The following CTR9 variants were observed in gnomAD, a reference collection of about 807,000 sequenced individuals.
CTR9 encodes CTR9 component of Paf1/RNA polymerase II complex.
CTR9 carries 41 observed loss-of-function variants against 152.1 expected under a neutral mutation model. The ratio of observed to expected loss-of-function variants is 0.27; its 90% CI spans 0.21 to 0.35. The LOEUF (loss-of-function observed/expected upper bound fraction) is 0.35, where lower values mean the gene tolerates loss of function less well. Ranked by LOEUF, CTR9 falls within the 10% of genes least tolerant of loss-of-function variation. The pLI, the probability that CTR9 is intolerant of heterozygous loss-of-function variation, is 1.00. For synonymous variants in CTR9, 476 were observed against 496.2 expected, an observed-to-expected ratio of 0.96 and a Z score of 0.54; for missense variants, 917 against 1,424.4, an observed-to-expected ratio of 0.64 and a Z score of 5.73.
chr11:10,752,068 C>T lies in CTR9; in HGVS notation c.46-604C>T, dbSNP rs182694278. Reference sequence around the variant, plus strand: ...GAGTAAAGCTCTCAGCTTTGATGTTCAGTCTTCTTGTATATCTTTTATTTT... The same window carrying T: ...GAGTAAAGCTCTCAGCTTTGATGTTTAGTCTTCTTGTATATCTTTTATTTT... On this transcript the variant is annotated intron_variant, in intron 1 of 24. Transcript: ENST00000361367. Among the ~76,000 whole-genome samples, 14 of 152,226 alleles carry T rather than the reference C, an allele frequency of 9.2e-5. 1 individual carries two copies. The highest frequency in any genetic ancestry group is 2.9e-5 in the Non-Finnish European group (2 of 68,018).
In CTR9 at chr11:10,773,123, A is replaced by T; in HGVS notation, c.2581-4A>T. The T allele has an allele frequency of 6.3e-7, 1 of 1,589,834 alleles. No homozygotes were observed. The highest frequency in any genetic ancestry group is 1.2e-5 in the South Asian group (1 of 85,808). ...GGTTTCTTTTCTACCATTTTTCCTC[A>T]TAGGAAGAGAAACGTCTCAGAGAAA... On this transcript the variant is annotated splice_polypyrimidine_tract_variant and splice_region_variant and intron_variant, in intron 20 of 24. Coordinates refer to ENST00000361367, the MANE Select transcript of CTR9 (RefSeq NM_014633.5).
At chr11:10,758,571 G>A (rs1375672658) in intron 5 of CTR9, among the ~76,000 whole-genome samples, 1 of 152,222 alleles carries the variant, frequency 6.6e-6, no homozygotes, top group Non-Finnish European at 1.5e-5. Context: ...TTTTAGACCT[G>A]AAAAGTTTGA....
rs187714236 is a variant in CTR9, at chr11:10,751,259, C to G, written c.-154C>G. On this transcript the variant is annotated 5_prime_UTR_variant, in exon 1 of 25. Coordinates refer to ENST00000361367, the MANE Select transcript of CTR9 (RefSeq NM_014633.5). ...CGTCCGCTGCTCGTTGTTTAAGCGG[C>G]TGACGGGAAGGAGAAGCCAGAGCTC... 518 of 736,798 alleles carry G rather than the reference C, an allele frequency of 7.0e-4. 2 individuals carry two copies. The African/African-American group carries it at 8.0e-3, about 11-fold the overall frequency. The allele number at this position is 736,798 out of a possible 1,614,324, so 45.6% of individuals were successfully genotyped here. A position where few individuals can be genotyped will look rare whatever the true frequency, so the allele number is the denominator to read the frequency against.
chr11:10,755,101 G>A lies in CTR9; in HGVS notation c.288G>A (p.Gln96=), dbSNP rs778137154. Residue 96 remains glutamine, a synonymous_variant, in exon 3 of 25, where the codon CAG becomes CAA. Transcript: ENST00000361367. ...LDTLAAYYVQ[Q]ARKEKNKDNK... The stretch of plus-strand genomic sequence containing the variant: ...CATTGGCAGCGTATTATGTACAACA[G>A]GCTCGGAAAGAAAAGAATAAGGACA... 6.2e-7 allele frequency: 1 copy of A among 1,614,058 alleles called. No homozygotes were observed. The highest frequency in any genetic ancestry group is 8.5e-7 in the Non-Finnish European group (1 of 1,179,976).
rs1863300783 is a variant in CTR9, at chr11:10,779,675, A to G, written c.*570A>G. 1 of 152,326 alleles carries G rather than the reference A, an allele frequency of 6.6e-6. No homozygotes were observed. The highest frequency in any genetic ancestry group is 2.4e-5 in the African/African-American group (1 of 41,476). 9.4% of individuals were successfully genotyped at this position (152,326 alleles called of 1,614,324 possible). A position where few individuals can be genotyped will look rare whatever the true frequency, so the allele number is the denominator to read the frequency against. On this transcript the variant is annotated 3_prime_UTR_variant, in exon 25 of 25. Coordinates refer to ENST00000361367, the MANE Select transcript of CTR9 (RefSeq NM_014633.5). The stretch of plus-strand genomic sequence containing the variant: ...TGTGTTAGGTTGAATAAGGTGTGGA[A>G]AATGCTTTTCTGTTAGTAGAATGCA...
At chr11:10,754,487 A>T (rs1590016991) in intron 2 of CTR9, among the ~76,000 whole-genome samples, 1 of 152,222 alleles carries the variant, frequency 6.6e-6, no homozygotes, top group African/African-American at 2.4e-5. Flanking sequence ...TATCATCTGT[A>T]TATACCTGTG....
intron 2 of CTR9, among the ~76,000 whole-genome samples, chr11:10,754,156 C>G (rs968929371): frequency 2.6e-5 from 4 of 152,150 alleles, no homozygotes; most frequent in Non-Finnish European, 2.9e-5. Context: ...CAGGTACATA[C>G]CACCACACCT....
chr11:10,763,701 C>G lies in CTR9; in HGVS notation c.1016C>G (p.Ser339Cys), dbSNP rs1420788721. 1 of 1,614,072 alleles carries G rather than the reference C, an allele frequency of 6.2e-7. No individual in the cohort carries two copies. Among genetic ancestry groups the G allele is most frequent in the African/African-American group, 1.3e-5 (1 of 75,042 alleles). The change falls in exon 9 of 25, where the codon TCT becomes TGT. Residue 339 changes from serine (S) to cysteine (C), a missense_variant. Coordinates refer to ENST00000361367, the MANE Select transcript of CTR9 (RefSeq NM_014633.5). ...YYQATQFASSSFVLPFFGLGQ... is the reference protein window; with the variant it reads ...YYQATQFASSCFVLPFFGLGQ... Reference sequence around the variant, plus strand: ...CAAGCCACACAGTTTGCCTCATCCTCTTTTGTGCTCCCATTTTTTGGTTTG... The same window carrying G: ...CAAGCCACACAGTTTGCCTCATCCTGTTTTGTGCTCCCATTTTTTGGTTTG...
chr11:10,758,140 G>A (rs1461543869), intron 5 of CTR9, among the ~76,000 whole-genome samples: 6 of 152,202 alleles, frequency 3.9e-5, no homozygotes, highest in East Asian at 1.9e-4. Context: ...GACTAATCAC[G>A]TAGGGCATCA....
Position 10,756,843 on chromosome 11 carries a change from G to C in CTR9, c.592+5G>C. The C allele has an allele frequency of 6.2e-7, 1 of 1,600,630 alleles. No homozygotes were observed. The highest frequency in any genetic ancestry group is 8.6e-7 in the Non-Finnish European group (1 of 1,169,078). On this transcript the variant is annotated splice_donor_5th_base_variant and intron_variant, in intron 5 of 24. Transcript: ENST00000361367. The stretch of plus-strand genomic sequence containing the variant: ...GTACTAACCCAGGATGTCCAGGTAA[G>C]AGAAAAATTTTATTTTATGTCTAAA...
chr11:10,761,559 G>C (rs1862978366), intron 6 of CTR9, among the ~76,000 whole-genome samples: 1 of 152,174 alleles, frequency 6.6e-6, no homozygotes, highest in African/African-American at 2.4e-5. Context: ...GCAGTGAGCT[G>C]TGTTCATGCC....
Position 10,778,995 on chromosome 11 carries a change from T to C in CTR9, c.3412T>C (p.Ser1138Pro). Reference protein sequence around the residue: ...AESDHESERGSDNEGSGQGSG... With the variant: ...AESDHESERGPDNEGSGQGSG... ...ATCAGATCACGAATCGGAGAGAGGATCTGATAATGAGGGTTCTGGCCAAGG... is the reference window on the plus strand; with the variant it reads ...ATCAGATCACGAATCGGAGAGAGGACCTGATAATGAGGGTTCTGGCCAAGG... The change falls in exon 25 of 25, where the codon TCT (serine) becomes CCT (proline). Residue 1138 changes from serine (S) to proline (P), a missense_variant. Transcript: ENST00000361367. The C allele has an allele frequency of 6.2e-7, 1 of 1,614,000 alleles. No individual in the cohort carries two copies. Among genetic ancestry groups the C allele is most frequent in the African/African-American group, 1.3e-5 (1 of 74,966 alleles).
At chr11:10,771,498 T>G in intron 18 of CTR9, 47 bp from the exon 19 acceptor site, 1 of 1,342,970 alleles carries the variant, frequency 7.4e-7, no homozygotes, top group Non-Finnish European at 1.1e-6. Flanking sequence ...CTTTATTTCA[T>G]TAGAATCTCT....
At position 10,778,687 on chromosome 11, in the gene CTR9, G is replaced by A. The variant is rs747872705; in HGVS notation, c.3104G>A (p.Arg1035Lys). The A allele has an allele frequency of 1.2e-6, 2 of 1,609,614 alleles. No homozygotes were observed. Among genetic ancestry groups the A allele is most frequent in the East Asian group, 2.2e-5 (1 of 44,760 alleles). Residue 1035 changes from arginine to lysine, a missense_variant, in exon 25 of 25, where the codon AGG (arginine) becomes AAG (lysine). By Grantham distance (26) the Arg-to-Lys change is conservative. Coordinates refer to ENST00000361367, the MANE Select transcript of CTR9 (RefSeq NM_014633.5). ...ATGATCATCTTTGCCAGACATCCCA[G>A]GAACAGCAACAGCAACAGTGACTCA... Reference protein sequence around the residue: ...KLKIADEGHPRNSNSNSDSDE... With the variant: ...KLKIADEGHPKNSNSNSDSDE...
chr11:10,751,515 G>T, intron 1 of CTR9, 58 bp downstream of exon 1: 2 of 1,502,284 alleles, frequency 1.3e-6, no homozygotes, highest in South Asian at 1.1e-5. Context: ...CGCCCCCACC[G>T]ACTTCGCTCG....
intron 1 of CTR9, 94 bp downstream of exon 1, chr11:10,751,551 C>T: frequency 8.2e-7 from 1 of 1,223,936 alleles, no homozygotes; most frequent in Non-Finnish European, 1.2e-6. Flanking sequence ...CGAGAGCATC[C>T]TCCTTCCCTA....
At position 10,775,229 on chromosome 11, in the gene CTR9, TCTG is replaced by T; in HGVS notation, c.2909_2911del (p.Ser970_Asp971delinsTyr). ...AAGACATCCAAAGGGAGAAGAAGGA[TCTG>T]ATGATGATGAAACAGAAAATGGCCC... On this transcript the variant is annotated inframe_deletion, in exon 23 of 25. Transcript: ENST00000361367. The T allele has an allele frequency of 6.2e-7, 1 of 1,613,782 alleles. No individual in the cohort carries two copies. Among genetic ancestry groups the T allele is most frequent in the Non-Finnish European group, 8.5e-7 (1 of 1,179,902 alleles).
chr11:10,772,100 A>T (rs982258516), intron 19 of CTR9, among the ~76,000 whole-genome samples: 6 of 152,158 alleles, frequency 3.9e-5, no homozygotes, highest in African/African-American at 1.4e-4. Context: ...TCACACCTGT[A>T]ATCCTGGCAC....
chr11:10,753,722 CCCT>C (rs1330017144), intron 2 of CTR9, among the ~76,000 whole-genome samples: 1 of 149,406 alleles, frequency 6.7e-6, no homozygotes, highest in African/African-American at 2.4e-5. Flanking sequence ...AGTACATATG[CCCT>C]CCTTAACAGC....
Sources: gnomAD v4.1 joint callset for allele counts (sites outside exome capture counted in the v4.1 genomes callset) on GRCh38, gnomAD v4.1.1 for gene constraint, MANE v1.5 for transcripts, NCBI Gene and HGNC (gene_info 2026-07-23, HGNC 2026-07-21) for gene names.